The following FHIT variants were observed in gnomAD, a reference collection of about 807,000 sequenced individuals.
The protein encoded by FHIT is bis(5'-adenosyl)-triphosphatase.
A neutral mutation model predicts 17.9 loss-of-function variants in FHIT; 19 were observed. The ratio of observed to expected loss-of-function variants is 1.06; its 90% CI spans 0.74 to 1.56. The LOEUF is 1.56. Ranked by LOEUF, FHIT falls within the 40% of genes most tolerant of loss-of-function variation. The probability of loss-of-function intolerance (pLI) is 0.00; values close to 1 mark genes in which losing one functional copy is unlikely to be tolerated. For synonymous variants in FHIT, 81 were observed against 69.7 expected, an observed-to-expected ratio of 1.16 and a Z score of -0.81; for missense variants, 248 against 189.2, an observed-to-expected ratio of 1.31 and a Z score of -1.82.
intron 4 of FHIT, among the ~76,000 whole-genome samples, chr3:60,620,748 G>A (rs2039100741): frequency 6.6e-6 from 1 of 152,076 alleles, no homozygotes; most frequent in South Asian, 2.1e-4. Context: ...TTCAACAGCT[G>A]TCAAAACCCA....
intron 5 of FHIT, among the ~76,000 whole-genome samples, chr3:60,332,596 G>T (rs1438307358): frequency 6.6e-6 from 1 of 152,128 alleles, no homozygotes; most frequent in Non-Finnish European, 1.5e-5. Context: ...TACACAGGTG[G>T]AACCTGTGGG....
At chr3:61,120,309 C>T (rs1188860310) in intron 2 of FHIT, among the ~76,000 whole-genome samples, 3 of 152,198 alleles carry the variant, frequency 2.0e-5, no homozygotes, top group South Asian at 2.1e-4. Context: ...ATTCAATAAA[C>T]ATTAGCTACT....
At chr3:60,399,232 A>G (rs1359119138) in intron 5 of FHIT, among the ~76,000 whole-genome samples, 1 of 152,164 alleles carries the variant, frequency 6.6e-6, no homozygotes, top group East Asian at 1.9e-4. Context: ...TTTCTGCAGA[A>G]GTTCTCTCAT....
intron 7 of FHIT, among the ~76,000 whole-genome samples, chr3:59,983,756 GAGA>G (rs561561972): frequency 2.6e-5 from 4 of 152,082 alleles, no homozygotes; most frequent in Non-Finnish European, 4.4e-5. Flanking sequence ...CTAGTAATCA[GAGA>G]AGAATGAGAG....
chr3:60,071,635 G>A (rs922893292), intron 5 of FHIT, among the ~76,000 whole-genome samples: 2 of 152,164 alleles, frequency 1.3e-5, no homozygotes, highest in Admixed American at 6.5e-5. Context: ...CTGCAGCAAA[G>A]TTAGCCAAAA....
At chr3:61,211,385 C>A (rs949166828) in intron 1 of FHIT, among the ~76,000 whole-genome samples, 5 of 152,204 alleles carry the variant, frequency 3.3e-5, no homozygotes, top group Admixed American at 3.3e-4. Flanking sequence ...CCTATGCCCA[C>A]GGAGTCTCGC....
At chr3:60,010,246 T>C (rs886483447) in intron 7 of FHIT, among the ~76,000 whole-genome samples, 11 of 152,216 alleles carry the variant, frequency 7.2e-5, no homozygotes, top group African/African-American at 2.7e-4. Context: ...GAGCCTCACA[T>C]GGAGGTGAGA....
chr3:61,028,330 G>A (rs575413764), intron 3 of FHIT, among the ~76,000 whole-genome samples: 2 of 152,282 alleles, frequency 1.3e-5, no homozygotes, highest in African/African-American at 2.4e-5. Context: ...AGACAGTTGA[G>A]CAGGGAGGAC....
intron 4 of FHIT, among the ~76,000 whole-genome samples, chr3:60,570,688 G>A (rs2037344000): frequency 6.7e-6 from 1 of 148,476 alleles, no homozygotes; most frequent in Non-Finnish European, 1.5e-5. Flanking sequence ...ACCTTCACCA[G>A]GGCAAGAGTT....
At chr3:60,887,914 G>A (rs555504631) in intron 3 of FHIT, among the ~76,000 whole-genome samples, 8 of 152,120 alleles carry the variant, frequency 5.3e-5, no homozygotes, top group Admixed American at 1.3e-4. Context: ...AAACATGAAC[G>A]TCTATATGGA....
intron 8 of FHIT, among the ~76,000 whole-genome samples, chr3:59,783,454 C>T (rs560798859): frequency 1.5e-4 from 23 of 152,164 alleles, no homozygotes; most frequent in South Asian, 6.2e-4. Flanking sequence ...GGTGACAGAG[C>T]GAGACTTGAT....
At chr3:60,363,851 G>C (rs958834849) in intron 5 of FHIT, among the ~76,000 whole-genome samples, 3 of 152,064 alleles carry the variant, frequency 2.0e-5, no homozygotes, top group Non-Finnish European at 4.4e-5. Context: ...TATTCCTCTT[G>C]GTCCTTCCTG....
intron 5 of FHIT, among the ~76,000 whole-genome samples, chr3:60,185,230 A>G (rs1702108435): frequency 6.6e-6 from 1 of 152,096 alleles, no homozygotes. Flanking sequence ...TACAGCGTCA[A>G]ATTGAATAGT....
At chr3:60,286,397 T>C (rs1707731046) in intron 5 of FHIT, among the ~76,000 whole-genome samples, 1 of 152,218 alleles carries the variant, frequency 6.6e-6, no homozygotes, top group Non-Finnish European at 1.5e-5. Context: ...TATTCTTACG[T>C]ATCTTTTATC....
intron 5 of FHIT, among the ~76,000 whole-genome samples, chr3:60,039,283 T>C (rs1701342694): frequency 6.6e-6 from 1 of 152,192 alleles, no homozygotes; most frequent in Admixed American, 6.5e-5. Flanking sequence ...TAAAACTCAT[T>C]TGGCCTTACT....
chr3:61,207,830 C>A (rs556847501), intron 1 of FHIT, among the ~76,000 whole-genome samples: 13 of 152,268 alleles, frequency 8.5e-5, no homozygotes, highest in African/African-American at 3.1e-4. Flanking sequence ...CAGTTCTGCT[C>A]TGATTTTCAT....
At position 60,188,205 on chromosome 3, in the gene FHIT, TTC is replaced by T. The variant is rs1369772650; in HGVS notation, c.104-174055_104-174054del. 3.3e-4 allele frequency among the ~76,000 whole-genome samples: 29 copies of T among 87,770 alleles called. 1 individual carries two copies. Among genetic ancestry groups the T allele is most frequent in the Admixed American group, 2.3e-3 (15 of 6,650 alleles). The allele number at this position is 87,770 out of a possible 152,430, so 57.6% of individuals were successfully genotyped here. On this transcript the variant is annotated intron_variant, in intron 5 of 9. Transcript: ENST00000492590. The stretch of plus-strand genomic sequence containing the variant: ...GAACTCAGGGATCTTGACAGTTTCT[TTC>T]TTTTTTTTTTTTTTTTTTTTACCAT...
chr3:60,071,183 A>G (rs899557395), intron 5 of FHIT, among the ~76,000 whole-genome samples: 15 of 152,284 alleles, frequency 9.9e-5, no homozygotes, highest in African/African-American at 3.6e-4. Context: ...AATTGTGGCT[A>G]GCCCAAACTG....
intron 3 of FHIT, among the ~76,000 whole-genome samples, chr3:60,990,242 C>T (rs1174996125): frequency 2.6e-5 from 4 of 152,184 alleles, no homozygotes; most frequent in Middle Eastern, 3.2e-3. Context: ...CTACCAAATC[C>T]AACAGCAGCT....
Sources: gnomAD v4.1 joint callset for allele counts (sites outside exome capture counted in the v4.1 genomes callset) on GRCh38, gnomAD v4.1.1 for gene constraint, MANE v1.5 for transcripts, NCBI Gene and HGNC (gene_info 2026-07-23, HGNC 2026-07-21) for gene names.